Variants in STPG4 observed in about 807,000 individuals in gnomAD.
STPG4 encodes protein STPG4.
A neutral mutation model predicts 31.5 loss-of-function variants in STPG4; 41 were observed. The ratio of observed to expected loss-of-function variants is 1.30; its 90% CI spans 1.01 to 1.69. STPG4 has a LOEUF of 1.69. Ranked by LOEUF, STPG4 falls within the 40% of genes most tolerant of loss-of-function variation. The pLI is 0.00. For missense variants in STPG4, 375 were observed against 293.4 expected, an observed-to-expected ratio of 1.28 and a Z score of -2.03; for synonymous variants, 141 against 103.0, an observed-to-expected ratio of 1.37 and a Z score of -2.24.
At chr2:47,150,574 C>T (rs1226108647) in intron 3 of STPG4, among the ~76,000 whole-genome samples, 1 of 151,422 alleles carries the variant, frequency 6.6e-6, no homozygotes, top group African/African-American at 2.4e-5. Flanking sequence ...GGGGTACAGT[C>T]ATATAATCAT....
intron 5 of STPG4, among the ~76,000 whole-genome samples, chr2:47,117,611 T>A (rs1425133674): frequency 2.0e-5 from 3 of 152,192 alleles, no homozygotes; most frequent in African/African-American, 4.8e-5. Context: ...CAGACTCTCA[T>A]TTAATATGTA....
chr2:47,142,836 C>CTTTTTTTTTTTTTTTTTTTTTTTT (rs10686388), intron 3 of STPG4, among the ~76,000 whole-genome samples: 1 of 73,836 alleles, frequency 1.4e-5, no homozygotes. Context: ...TTTATCTCAT[C>CTTTTTTTTTTTTTTTTTTTTTTTT]TTTTTTTTTT....
chr2:47,107,628 C>T (rs1268904488), intron 5 of STPG4, among the ~76,000 whole-genome samples: 1 of 152,170 alleles, frequency 6.6e-6, no homozygotes, highest in African/African-American at 2.4e-5. Flanking sequence ...CTCCATGGCA[C>T]CCAGTCCCAT....
intron 5 of STPG4, among the ~76,000 whole-genome samples, chr2:47,127,717 T>A (rs897540718): frequency 6.6e-6 from 1 of 152,362 alleles, no homozygotes; most frequent in East Asian, 1.9e-4. Context: ...ATTTATCTGA[T>A]AGAATTCTGA....
chr2:47,120,802 A>T (rs1396437787), intron 5 of STPG4, among the ~76,000 whole-genome samples: 1 of 152,086 alleles, frequency 6.6e-6, no homozygotes, highest in Non-Finnish European at 1.5e-5. Flanking sequence ...ATCTGAAAAA[A>T]TTTTTGAAGG....
chr2:47,133,008 G>A (rs968370390), intron 3 of STPG4, among the ~76,000 whole-genome samples: 4 of 152,034 alleles, frequency 2.6e-5, no homozygotes, highest in African/African-American at 9.7e-5. Context: ...GCTACTTAAC[G>A]TAATTGAAAG....
intron 2 of STPG4, among the ~76,000 whole-genome samples, chr2:47,152,207 A>ACTG (rs1465805746): frequency 1.1e-5 from 1 of 90,236 alleles, no homozygotes; most frequent in Non-Finnish European, 2.5e-5. Context: ...CCAATGTAGG[A>ACTG]TGTTTCTCTC....
intron 5 of STPG4, among the ~76,000 whole-genome samples, chr2:47,093,232 T>C (rs537337748): frequency 2.8e-4 from 43 of 152,316 alleles, no homozygotes; most frequent in Non-Finnish European, 4.9e-4. Context: ...AATCAAGGGA[T>C]AGATGCCCCT....
chr2:47,133,568 A>ATTTTTTTTTTTTT (rs1347133934), intron 3 of STPG4, among the ~76,000 whole-genome samples: 1 of 36,324 alleles, frequency 2.8e-5, no homozygotes, highest in African/African-American at 6.0e-5. Context: ...AGGCACTCAA[A>ATTTTTTTTTTTTT]TCTTTTTTTT....
intron 5 of STPG4, among the ~76,000 whole-genome samples, chr2:47,094,288 C>T (rs1037650098): frequency 6.6e-6 from 1 of 152,184 alleles, no homozygotes; most frequent in African/African-American, 2.4e-5. Context: ...AGACCACTGA[C>T]AAAAATTCTG....
intron 5 of STPG4, among the ~76,000 whole-genome samples, chr2:47,125,778 C>T (rs1277975581): frequency 2.0e-5 from 3 of 151,304 alleles, no homozygotes; most frequent in Non-Finnish European, 2.9e-5. Flanking sequence ...AGGCTGGTCT[C>T]GAATTCCTGG....
chr2:47,109,614 T>C (rs1001258622), intron 5 of STPG4, among the ~76,000 whole-genome samples: 6 of 151,982 alleles, frequency 3.9e-5, no homozygotes, highest in Admixed American at 3.9e-4. Flanking sequence ...AAATGTTATA[T>C]TTTTCCCAAA....
chr2:47,154,004 C>T (rs975668752), intron 1 of STPG4, among the ~76,000 whole-genome samples: 2 of 152,082 alleles, frequency 1.3e-5, no homozygotes, highest in Non-Finnish European at 2.9e-5. Context: ...AGAACACAAC[C>T]GTTTAGTATA....
chr2:47,094,088 T>TGG (rs1407799685), intron 5 of STPG4, among the ~76,000 whole-genome samples: 2 of 152,262 alleles, frequency 1.3e-5, no homozygotes, highest in African/African-American at 2.4e-5. Context: ...TCTCCTTTAC[T>TGG]GGGGATCCTC....
At chr2:47,151,657 T>C in intron 2 of STPG4, 142 bp from the exon 3 acceptor site, 1 of 671,170 alleles carries the variant, frequency 1.5e-6, no homozygotes, top group Non-Finnish European at 2.6e-6. Flanking sequence ...GTAAACACTC[T>C]TGACAGAAGA....
intron 3 of STPG4, among the ~76,000 whole-genome samples, chr2:47,142,570 T>C (rs6741881): frequency 0.91 from 137,721 of 152,172 alleles, 62,391 homozygotes; most frequent in South Asian, 0.95. Context: ...CATTTACACA[T>C]TGAAAACAAT....
intron 5 of STPG4, among the ~76,000 whole-genome samples, chr2:47,127,819 T>G (rs1196133157): frequency 6.6e-6 from 1 of 152,198 alleles, no homozygotes; most frequent in Non-Finnish European, 1.5e-5. Flanking sequence ...TCTGTGTCAC[T>G]CTGGGATTGA....
intron 6 of STPG4, among the ~76,000 whole-genome samples, chr2:47,087,709 T>C (rs561935541): frequency 8.9e-4 from 135 of 152,308 alleles, no homozygotes; most frequent in Middle Eastern, 3.4e-3. Context: ...TTAAAAGTCA[T>C]GTTTTTGTTT....
chr2:47,111,724 C>T (rs1686039269), intron 5 of STPG4, among the ~76,000 whole-genome samples: 1 of 152,036 alleles, frequency 6.6e-6, no homozygotes, highest in Non-Finnish European at 1.5e-5. Flanking sequence ...CTGGCGTCTA[C>T]CCCAAAAGGC....
Sources: allele counts gnomAD v4.1 joint callset (sites outside exome capture counted in the v4.1 genomes callset), GRCh38; gene constraint gnomAD v4.1.1; transcripts MANE v1.5; gene names NCBI Gene and HGNC (gene_info 2026-07-23, HGNC 2026-07-21).